DGKB: variants seen among roughly 807,000 people sequenced by gnomAD.
The protein encoded by DGKB is diacylglycerol kinase beta.
DGKB carries 67 observed loss-of-function variants against 114.3 expected under a neutral mutation model. That is an observed-to-expected ratio of 0.59 (90% CI 0.48 to 0.72). The LOEUF is 0.72. Among genes scored for constraint, DGKB ranks in the 30% least tolerant of loss-of-function variants. The pLI, the probability that DGKB is intolerant of heterozygous loss-of-function variation, is 0.00. For synonymous variants in DGKB, 398 were observed against 323.1 expected, an observed-to-expected ratio of 1.23 and a Z score of -2.49; for missense variants, 907 against 975.2, an observed-to-expected ratio of 0.93 and a Z score of 0.93.
intron 6 of DGKB, among the ~76,000 whole-genome samples, chr7:14,705,382 G>T (rs1826013011): frequency 6.7e-6 from 1 of 149,834 alleles, no homozygotes; most frequent in African/African-American, 2.4e-5. Flanking sequence ...GAACCAAGTT[G>T]GAAAACACTC....
intron 17 of DGKB, among the ~76,000 whole-genome samples, chr7:14,600,011 C>T (rs540270969): frequency 2.0e-5 from 3 of 152,218 alleles, no homozygotes; most frequent in African/African-American, 7.2e-5. Context: ...ATAACTGAAA[C>T]TGGATAATTT....
At chr7:14,685,041 T>C (rs547498008) in intron 10 of DGKB, among the ~76,000 whole-genome samples, 4 of 152,268 alleles carry the variant, frequency 2.6e-5, no homozygotes, top group African/African-American at 9.6e-5. Context: ...TGTCCTTCAT[T>C]TTTTTCCAAC....
At position 14,146,132 on chromosome 7, in the gene DGKB, C is replaced by T. The variant is rs1048682869; in HGVS notation, c.*2999G>A. On this transcript the variant is annotated 3_prime_UTR_variant, in exon 26 of 26. Transcript: ENST00000402815. ...TAAACTTCCTGCAAGATATCTCCTT[C>T]CACCACAATAAATTGATCAGCATTT... 1 of 152,204 alleles carries T rather than the reference C, an allele frequency of 6.6e-6. No individual in the cohort carries two copies. Among genetic ancestry groups the T allele is most frequent in the Admixed American group, 6.5e-5 (1 of 15,284 alleles). The allele number at this position is 152,204 out of a possible 1,614,324, so 9.4% of individuals were successfully genotyped here. A position where few individuals can be genotyped will look rare whatever the true frequency, so the allele number is the denominator to read the frequency against.
intron 24 of DGKB, among the ~76,000 whole-genome samples, chr7:14,177,461 C>T (rs1052400521): frequency 8.3e-5 from 12 of 144,404 alleles, no homozygotes; most frequent in Middle Eastern, 7.8e-3. Flanking sequence ...GAGGATGAGG[C>T]AGAAGAATCC....
At chr7:14,495,695 T>C (rs1354413706) in intron 20 of DGKB, among the ~76,000 whole-genome samples, 1 of 151,800 alleles carries the variant, frequency 6.6e-6, no homozygotes, top group Non-Finnish European at 1.5e-5. Flanking sequence ...TCTTGATTAA[T>C]ACCCTCAGAG....
chr7:14,358,421 C>T (rs1815020328), intron 21 of DGKB, among the ~76,000 whole-genome samples: 1 of 152,098 alleles, frequency 6.6e-6, no homozygotes, highest in African/African-American at 2.4e-5. Flanking sequence ...GTTCTCGTGC[C>T]ATGGTTTTCA....
chr7:14,961,937 A>G (rs982230577), intron 1 of DGKB, among the ~76,000 whole-genome samples: 3 of 152,118 alleles, frequency 2.0e-5, no homozygotes, highest in Admixed American at 6.6e-5. Flanking sequence ...AACACAGCCC[A>G]AAGTATTGCA....
At chr7:14,416,133 G>A (rs2128752735) in intron 21 of DGKB, among the ~76,000 whole-genome samples, 1 of 152,012 alleles carries the variant, frequency 6.6e-6, no homozygotes, top group East Asian at 1.9e-4. Flanking sequence ...TTTTTTTCTT[G>A]TAAATTTGTT....
At chr7:14,733,444 C>T (rs565009122) in intron 5 of DGKB, among the ~76,000 whole-genome samples, 35 of 152,132 alleles carry the variant, frequency 2.3e-4, no homozygotes, top group African/African-American at 7.2e-4. Flanking sequence ...CTCAGCACTT[C>T]GGGAGGCTGA....
Position 14,769,484 on chromosome 7 carries a change from AT to A in DGKB, c.71-11754del, listed in dbSNP as rs1186483480. ...CATTCTCAGTCATGTTGATATTGGG[AT>A]TTTTTTTTAACAAGCACCATCTCAT... On this transcript the variant is annotated intron_variant, in intron 2 of 25. Coordinates refer to ENST00000402815, the MANE Select transcript of DGKB (RefSeq NM_001350709.2). Among the ~76,000 whole-genome samples the A allele has an allele frequency of 4.0e-5, 6 of 151,122 alleles. No homozygotes were observed. The East Asian group carries it at 5.8e-4, about 15-fold the overall frequency.
intron 1 of DGKB, among the ~76,000 whole-genome samples, chr7:14,914,903 C>T (rs1175215777): frequency 2.0e-5 from 3 of 151,794 alleles, no homozygotes; most frequent in East Asian, 1.9e-4. Flanking sequence ...TGGTCTCATC[C>T]GTAGACTGGA....
intron 21 of DGKB, among the ~76,000 whole-genome samples, chr7:14,390,596 G>A (rs1229332787): frequency 1.3e-5 from 2 of 152,042 alleles, no homozygotes; most frequent in African/African-American, 2.4e-5. Flanking sequence ...TTCTTAACAA[G>A]AGCCACAAAG....
intron 2 of DGKB, among the ~76,000 whole-genome samples, chr7:14,785,544 A>G (rs530485663): frequency 6.6e-6 from 1 of 152,288 alleles, no homozygotes; most frequent in Non-Finnish European, 1.5e-5. Flanking sequence ...TCACTGCTGT[A>G]CTTTTGTCTG....
At chr7:14,369,627 A>G (rs533590171) in intron 21 of DGKB, among the ~76,000 whole-genome samples, 1 of 152,176 alleles carries the variant, frequency 6.6e-6, no homozygotes, top group African/African-American at 2.4e-5. Context: ...CTGGCATGAG[A>G]TGGTATCCCA....
rs185504602 is a variant in DGKB at position 14,335,214 on chromosome 7, G to A, written c.2122+3301C>T. ...TTATGTACAGCTTAATATAAATAAG[G>A]ACTTAATGCTCCAAACCTGATCTCA... On this transcript the variant is annotated intron_variant, in intron 23 of 25. Transcript: ENST00000402815. Among the ~76,000 whole-genome samples the A allele has an allele frequency of 3.4e-3, 524 of 152,102 alleles. 4 individuals are homozygous for A. The highest frequency in any genetic ancestry group is 6.1e-3 in the Non-Finnish European group (417 of 67,962).
chr7:14,860,277 A>G (rs1159984927), intron 1 of DGKB, among the ~76,000 whole-genome samples: 2 of 152,120 alleles, frequency 1.3e-5, no homozygotes, highest in Non-Finnish European at 2.9e-5. Flanking sequence ...AAATCTATAA[A>G]GAAGTAAGCA....
At chr7:14,653,441 T>C (rs1815048832) in intron 13 of DGKB, among the ~76,000 whole-genome samples, 1 of 150,162 alleles carries the variant, frequency 6.7e-6, no homozygotes, top group Admixed American at 6.7e-5. Flanking sequence ...CACTCATAGG[T>C]GGGAATTGAA....
intron 1 of DGKB, among the ~76,000 whole-genome samples, chr7:14,872,571 T>C (rs548651387): frequency 2.0e-5 from 3 of 152,306 alleles, no homozygotes; most frequent in African/African-American, 4.8e-5. Flanking sequence ...ACGAATAATG[T>C]AGTATTTTGG....
intron 23 of DGKB, among the ~76,000 whole-genome samples, chr7:14,232,484 G>A (rs1451261267): frequency 6.6e-6 from 1 of 151,294 alleles, no homozygotes; most frequent in Non-Finnish European, 1.5e-5. Flanking sequence ...TTGGCCATAT[G>A]ACCATGCATT....
Sources: gnomAD v4.1 joint callset for allele counts (sites outside exome capture counted in the v4.1 genomes callset) on GRCh38, gnomAD v4.1.1 for gene constraint, MANE v1.5 for transcripts, NCBI Gene and HGNC (gene_info 2026-07-23, HGNC 2026-07-21) for gene names.